The following DPF3 variants were observed in gnomAD, a reference collection of about 807,000 sequenced individuals.
The protein encoded by DPF3 is zinc finger protein DPF3.
A neutral mutation model predicts 56.8 loss-of-function variants in DPF3; 18 were observed. The ratio of observed to expected loss-of-function variants is 0.32; its 90% CI spans 0.22 to 0.47. The LOEUF is 0.47. Among genes scored for constraint, DPF3 ranks in the 20% least tolerant of loss-of-function variants. The probability of loss-of-function intolerance (pLI) is 1.00; values close to 1 mark genes in which losing one functional copy is unlikely to be tolerated. For synonymous variants in DPF3, 188 were observed against 180.2 expected, an observed-to-expected ratio of 1.04 and a Z score of -0.35; for missense variants, 403 against 488.8, an observed-to-expected ratio of 0.82 and a Z score of 1.65.
chr14:72,877,033 T>C (rs1267591396), intron 1 of DPF3, among the ~76,000 whole-genome samples: 2 of 152,164 alleles, frequency 1.3e-5, no homozygotes. Flanking sequence ...TGCTTTTTGA[T>C]CAAGGTGCAA....
intron 7 of DPF3, among the ~76,000 whole-genome samples, chr14:72,685,806 T>C (rs1391167859): frequency 1.3e-5 from 2 of 152,220 alleles, no homozygotes; most frequent in African/African-American, 4.8e-5. Context: ...CCTGCACATT[T>C]CTAGGTAATT....
At position 72,890,501 on chromosome 14, in the gene DPF3, G is replaced by GATGATAATAATAATAATAATAATA. The variant is rs147775004; in HGVS notation, c.32+3555_32+3556insTATTATTATTATTATTATTATCAT. Among the ~76,000 whole-genome samples the GATGATAATAATAATAATAATAATA allele has an allele frequency of 1.6e-4, 23 of 146,536 alleles. No individual in the cohort carries two copies. In the East Asian group the frequency reaches 3.4e-3, roughly 22 times the overall value. On this transcript the variant is annotated intron_variant, in intron 1 of 10. Transcript: ENST00000556509. ...GCAACACCCTGTCTCAAAAAATAAT[G>GATGATAATAATAATAATAATAATA]ATAATAATAATAATAATAATAGCAT...
chr14:72,744,617 T>C (rs537905667), intron 3 of DPF3, among the ~76,000 whole-genome samples: 1 of 152,220 alleles, frequency 6.6e-6, no homozygotes, highest in South Asian at 2.1e-4. Flanking sequence ...TCAAGATTCT[T>C]GAACGTGCAC....
chr14:72,726,045 C>T (rs1204837885), intron 4 of DPF3, among the ~76,000 whole-genome samples: 2 of 152,352 alleles, frequency 1.3e-5, no homozygotes, highest in African/African-American at 4.8e-5. Context: ...CGTCAGCCCC[C>T]ATTCACAGTA....
At chr14:72,874,216 C>T (rs1378720821) in intron 1 of DPF3, among the ~76,000 whole-genome samples, 1 of 150,586 alleles carries the variant, frequency 6.6e-6, no homozygotes, top group Non-Finnish European at 1.5e-5. Context: ...GAGTGGCTCA[C>T]ACCTATAATC....
intron 1 of DPF3, among the ~76,000 whole-genome samples, chr14:72,892,959 G>GGAA (rs1370110160): frequency 0.014 from 537 of 38,220 alleles, 38 homozygotes; most frequent in African/African-American, 0.071. Context: ...AAGGAAGGAA[G>GGAA]GAAGGAAGGA....
At chr14:72,629,834 A>ACT in intron 8 of DPF3, 98 bp from the exon 9 acceptor site, 1 of 1,005,214 alleles carries the variant, frequency 9.9e-7, no homozygotes, top group Non-Finnish European at 1.5e-6. Flanking sequence ...GTGTGCAGGC[A>ACT]GGGCAGGGTA....
chr14:72,804,776 A>G (rs957989110), intron 1 of DPF3, among the ~76,000 whole-genome samples: 2 of 151,986 alleles, frequency 1.3e-5, no homozygotes, highest in African/African-American at 4.8e-5. Flanking sequence ...CCTTCTCACT[A>G]CTCCTGTGAA....
chr14:72,660,290 G>A (rs1886169669), intron 8 of DPF3, among the ~76,000 whole-genome samples: 1 of 151,792 alleles, frequency 6.6e-6, no homozygotes, highest in African/African-American at 2.4e-5. Context: ...TTTACTGCTA[G>A]GAAAACTTAC....
intron 6 of DPF3, among the ~76,000 whole-genome samples, chr14:72,699,291 A>G (rs891306437): frequency 2.0e-5 from 3 of 152,220 alleles, no homozygotes; most frequent in African/African-American, 7.2e-5. Flanking sequence ...AGGCTGAGGC[A>G]GGAGGATCAC....
intron 1 of DPF3, among the ~76,000 whole-genome samples, chr14:72,879,154 C>T (rs1049490346): frequency 2.0e-5 from 3 of 152,092 alleles, no homozygotes; most frequent in Non-Finnish European, 4.4e-5. Context: ...GAGGCCGAGG[C>T]GGGTGGATCA....
At chr14:72,792,156 T>G (rs368231742) in intron 1 of DPF3, among the ~76,000 whole-genome samples, 1 of 150,996 alleles carries the variant, frequency 6.6e-6, no homozygotes, top group African/African-American at 2.4e-5. Context: ...CACTCGTCCT[T>G]GGGCACACAC....
At chr14:72,768,774 T>A (rs1005248217) in intron 2 of DPF3, among the ~76,000 whole-genome samples, 46 of 152,108 alleles carry the variant, frequency 3.0e-4, no homozygotes, top group Non-Finnish European at 1.5e-4. Flanking sequence ...AGAGGAACTA[T>A]CTCAGTGACC....
chr14:72,826,444 G>A (rs1243996218), intron 1 of DPF3, among the ~76,000 whole-genome samples: 4 of 152,164 alleles, frequency 2.6e-5, no homozygotes, highest in South Asian at 2.1e-4. Flanking sequence ...GCCCCTAGAC[G>A]CAAACCTATA....
chr14:72,683,437 T>A (rs927140241), intron 7 of DPF3, among the ~76,000 whole-genome samples: 1 of 147,628 alleles, frequency 6.8e-6, no homozygotes, highest in Non-Finnish European at 1.5e-5. Flanking sequence ...CAGGTGATTC[T>A]GATGCAGCCT....
intron 1 of DPF3, among the ~76,000 whole-genome samples, chr14:72,862,009 C>G (rs1885458451): frequency 6.6e-6 from 1 of 152,158 alleles, no homozygotes; most frequent in African/African-American, 2.4e-5. Flanking sequence ...CGCTTCAGCC[C>G]TACTTTTCTG....
chr14:72,662,828 T>A (rs1886271424), intron 8 of DPF3: 1 of 984,822 alleles, frequency 1.0e-6, no homozygotes, highest in South Asian at 4.7e-5. Flanking sequence ...CAGGTCATAA[T>A]GTTGACTGCA....
At chr14:72,851,949 C>G (rs1421075696) in intron 1 of DPF3, among the ~76,000 whole-genome samples, 1 of 152,264 alleles carries the variant, frequency 6.6e-6, no homozygotes, top group South Asian at 2.1e-4. Context: ...GATTCTCTCT[C>G]TCTTCAAAGC....
intron 3 of DPF3, among the ~76,000 whole-genome samples, chr14:72,749,645 C>T (rs763066173): frequency 3.3e-5 from 5 of 152,152 alleles, no homozygotes; most frequent in East Asian, 3.8e-4. Flanking sequence ...GGGAAGGACC[C>T]GGTGGGAGAT....
Sources: gnomAD v4.1 joint callset for allele counts (sites outside exome capture counted in the v4.1 genomes callset) on GRCh38, gnomAD v4.1.1 for gene constraint, MANE v1.5 for transcripts, NCBI Gene and HGNC (gene_info 2026-07-23, HGNC 2026-07-21) for gene names.